Variants in RBPMS observed in about 807,000 individuals in gnomAD.
RBPMS encodes the protein RNA-binding protein with multiple splicing.
Under a neutral mutation model 26.8 loss-of-function variants are expected in RBPMS, and 7 were observed. The ratio of observed to expected loss-of-function variants is 0.26; its 90% CI spans 0.15 to 0.49. RBPMS has a LOEUF of 0.49. Ranked by LOEUF, RBPMS falls within the 20% of genes least tolerant of loss-of-function variation. The probability of loss-of-function intolerance (pLI) is 0.98; values close to 1 mark genes in which losing one functional copy is unlikely to be tolerated. For missense variants in RBPMS, 186 were observed against 250.0 expected, an observed-to-expected ratio of 0.74 and a Z score of 1.73; for synonymous variants, 96 against 93.3, an observed-to-expected ratio of 1.03 and a Z score of -0.17.
chr8:30,557,382 AG>A (rs1402216343), intron 6 of RBPMS, among the ~76,000 whole-genome samples: 1 of 152,140 alleles, frequency 6.6e-6, no homozygotes, highest in Non-Finnish European at 1.5e-5. Context: ...CCCTGCTTTT[AG>A]AATCAAGTTA....
chr8:30,462,510 TC>T (rs1236857172), intron 1 of RBPMS, among the ~76,000 whole-genome samples: 1 of 151,990 alleles, frequency 6.6e-6, no homozygotes, highest in African/African-American at 2.4e-5. Flanking sequence ...TCCAACCTCC[TC>T]CTCCTGGGTT....
intron 5 of RBPMS, among the ~76,000 whole-genome samples, chr8:30,510,500 C>CTT (rs35949437): frequency 8.2e-5 from 12 of 146,772 alleles, no homozygotes; most frequent in Non-Finnish European, 1.2e-4. Flanking sequence ...ACCACACTGC[C>CTT]TTTTTTTTTT....
intron 1 of RBPMS, among the ~76,000 whole-genome samples, chr8:30,434,671 T>C (rs1428840027): frequency 6.3e-5 from 9 of 143,984 alleles, no homozygotes; most frequent in Non-Finnish European, 1.2e-4. Context: ...ACCACTGCAC[T>C]CCAGCCTGGG....
chr8:30,393,148 A>T (rs901780890), intron 1 of RBPMS, among the ~76,000 whole-genome samples: 2 of 152,210 alleles, frequency 1.3e-5, no homozygotes, highest in Admixed American at 1.3e-4. Flanking sequence ...TATTACATAT[A>T]ATCTGCCTGT....
chr8:30,477,329 G>A (rs1232822337), intron 2 of RBPMS, among the ~76,000 whole-genome samples: 3 of 152,142 alleles, frequency 2.0e-5, no homozygotes, highest in Non-Finnish European at 4.4e-5. Context: ...GATTACAGGC[G>A]TGAGTCACCG....
intron 8 of RBPMS, among the ~76,000 whole-genome samples, chr8:30,568,230 G>A (rs1828030567): frequency 6.6e-6 from 1 of 152,168 alleles, no homozygotes; most frequent in Non-Finnish European, 1.5e-5. Context: ...GGAGTTGGGG[G>A]GAGAACATTC....
At chr8:30,443,779 T>C (rs537598343) in intron 1 of RBPMS, among the ~76,000 whole-genome samples, 1 of 151,744 alleles carries the variant, frequency 6.6e-6, no homozygotes, top group East Asian at 1.9e-4. Flanking sequence ...TGTATTTTAG[T>C]AGAGACAGGA....
At chr8:30,556,446 TCA>T (rs1826925566) in intron 6 of RBPMS, 1 of 985,632 alleles carries the variant, frequency 1.0e-6, no homozygotes, top group Non-Finnish European at 1.2e-6. Context: ...CTTCTCGCAG[TCA>T]CCTGCACCGA....
chr8:30,469,613 G>A (rs1490391025), intron 1 of RBPMS, among the ~76,000 whole-genome samples: 6 of 152,216 alleles, frequency 3.9e-5, no homozygotes, highest in Non-Finnish European at 8.8e-5. Context: ...GGCATGTTGT[G>A]TACTTGTCTA....
At chr8:30,422,100 A>AT (rs1369838196) in intron 1 of RBPMS, among the ~76,000 whole-genome samples, 3 of 151,182 alleles carry the variant, frequency 2.0e-5, no homozygotes, top group Non-Finnish European at 2.9e-5. Context: ...TCTTTTTCTT[A>AT]TTTTTTTATT....
At position 30,496,853 on chromosome 8, in the gene RBPMS, C is replaced by T. The variant is rs1009672449; in HGVS notation, c.247-7433C>T. 3.9e-5 allele frequency among the ~76,000 whole-genome samples: 6 copies of T among 152,148 alleles called. No homozygotes were observed. In the South Asian group the frequency reaches 6.2e-4, roughly 16 times the overall value. On this transcript the variant is annotated intron_variant, in intron 4 of 8. Coordinates refer to ENST00000397323, the MANE Select transcript of RBPMS (RefSeq NM_001008710.3). ...ACCCAGATGCGGGTTTATCTGTGGC[C>T]TGTCATGGAGTCATTTCAGGCTCCA...
rs1313779130 is a variant in RBPMS, at chr8:30,519,450, A to ATC, written c.397+15022_397+15023dup. ...ACTTTCTCTCACCCTACGTGGGAGG[A>ATC]TCTCTCTCTTTTTTTTTTTTTTTTT... On this transcript the variant is annotated intron_variant, in intron 5 of 8. Transcript: ENST00000397323. Among the ~76,000 whole-genome samples, 281 of 113,302 alleles carry ATC rather than the reference A, an allele frequency of 2.5e-3. 36 individuals carry two copies. Among genetic ancestry groups the ATC allele is most frequent in the African/African-American group, 2.6e-3 (74 of 27,996 alleles). 74.3% of individuals were successfully genotyped at this position (113,302 alleles called of 152,430 possible).
chr8:30,569,114 C>T (rs1420979543), intron 8 of RBPMS, among the ~76,000 whole-genome samples: 2 of 152,174 alleles, frequency 1.3e-5, no homozygotes, highest in East Asian at 3.9e-4. Flanking sequence ...CATGGAGGCT[C>T]AGGGTGCCCC....
chr8:30,532,951 G>T (rs888809174), intron 5 of RBPMS, among the ~76,000 whole-genome samples: 1 of 152,070 alleles, frequency 6.6e-6, no homozygotes, highest in Non-Finnish European at 1.5e-5. Context: ...ATCTGGGCTG[G>T]AAACATAAAT....
At chr8:30,503,954 T>C (rs1187075327) in intron 4 of RBPMS, among the ~76,000 whole-genome samples, 1 of 152,196 alleles carries the variant, frequency 6.6e-6, no homozygotes, top group Non-Finnish European at 1.5e-5. Flanking sequence ...AGGAATAGGG[T>C]CAGAGGTAAC....
rs541498648 is a variant in RBPMS at position 30,416,568 on chromosome 8, C to T, written c.66+31410C>T. ...TACGACCTTGGCCCACTGCAAGCTC[C>T]GTCTCCTGGGTTCATGCCATTCTCC... is the stretch of plus-strand genomic sequence containing the variant. On this transcript the variant is annotated intron_variant, in intron 1 of 8. Coordinates refer to ENST00000397323, the MANE Select transcript of RBPMS (RefSeq NM_001008710.3). Among the ~76,000 whole-genome samples the T allele has an allele frequency of 2.6e-5, 4 of 152,126 alleles. 1 individual carries two copies. The highest frequency in any genetic ancestry group is 3.4e-3 in the Middle Eastern group (1 of 294).
At chr8:30,504,001 G>C (rs1354385110) in intron 4 of RBPMS, among the ~76,000 whole-genome samples, 1 of 152,150 alleles carries the variant, frequency 6.6e-6, no homozygotes, top group African/African-American at 2.4e-5. Flanking sequence ...AACTGTGCTA[G>C]GAATTTGCTG....
chr8:30,431,315 ATTTC>A (rs1241119428), intron 1 of RBPMS, among the ~76,000 whole-genome samples: 9 of 151,486 alleles, frequency 5.9e-5, no homozygotes, highest in East Asian at 3.9e-4. Context: ...AATCCCCTGC[ATTTC>A]TTTCTTTCTC....
intron 6 of RBPMS, chr8:30,556,348 G>A (rs1468256148): frequency 2.5e-5 from 25 of 985,494 alleles, no homozygotes; most frequent in Non-Finnish European, 3.0e-5. Context: ...CGGGCTGCAC[G>A]CTCGTCCCCA....
Sources: allele counts gnomAD v4.1 joint callset (sites outside exome capture counted in the v4.1 genomes callset), GRCh38; gene constraint gnomAD v4.1.1; transcripts MANE v1.5; gene names NCBI Gene and HGNC (gene_info 2026-07-23, HGNC 2026-07-21).